Variants in NLRC4 observed in about 807,000 individuals in gnomAD.
NLRC4 encodes NLR family CARD domain-containing protein 4.
NLRC4 carries 63 observed loss-of-function variants against 79.9 expected under a neutral mutation model. That is an observed-to-expected ratio of 0.79 (90% CI 0.64 to 0.97). The LOEUF (loss-of-function observed/expected upper bound fraction) is 0.97. Ranked by LOEUF, NLRC4 falls within the 50% of genes least tolerant of loss-of-function variation. NLRC4 has a pLI of 0.00. For synonymous variants in NLRC4, 461 were observed against 456.5 expected (o/e 1.01, Z -0.12); for missense variants, 1,074 against 1,215.2 (o/e 0.88, Z 1.73).
chr2:32,241,687 G>A (rs1176729705), intron 4 of NLRC4, among the ~76,000 whole-genome samples: 1 of 151,822 alleles, frequency 6.6e-6, no homozygotes, highest in East Asian at 1.9e-4. Flanking sequence ...CGATAACAGG[G>A]AAATTTCTAA....
At chr2:32,230,351 G>C (rs1182911857) in intron 8 of NLRC4, among the ~76,000 whole-genome samples, 1 of 152,058 alleles carries the variant, frequency 6.6e-6, no homozygotes, top group Admixed American at 6.6e-5. Context: ...TTGTTTGTTT[G>C]TTTGTTTTGT....
intron 4 of NLRC4, among the ~76,000 whole-genome samples, chr2:32,244,660 C>T (rs2148938594): frequency 6.6e-6 from 1 of 152,192 alleles, no homozygotes; most frequent in African/African-American, 2.4e-5. Context: ...ACAACACCCC[C>T]TTCTGCAAAC....
intron 4 of NLRC4, among the ~76,000 whole-genome samples, chr2:32,247,931 T>C (rs2148940556): frequency 6.6e-6 from 1 of 152,188 alleles, no homozygotes; most frequent in Non-Finnish European, 1.5e-5. Context: ...TCAAATACCA[T>C]ATATACTCAC....
At chr2:32,248,149 T>C (rs1327119419) in intron 4 of NLRC4, among the ~76,000 whole-genome samples, 1 of 152,090 alleles carries the variant, frequency 6.6e-6, no homozygotes, top group Non-Finnish European at 1.5e-5. Context: ...TAAAAATAAA[T>C]AATAAATAAT....
chr2:32,261,238 T>A (rs1687337429), intron 1 of NLRC4, among the ~76,000 whole-genome samples: 1 of 147,574 alleles, frequency 6.8e-6, no homozygotes, highest in Admixed American at 6.9e-5. Flanking sequence ...ACAAAACCAC[T>A]CACTCAGGTT....
At chr2:32,260,432 C>G (rs951932803) in intron 1 of NLRC4, among the ~76,000 whole-genome samples, 1 of 152,066 alleles carries the variant, frequency 6.6e-6, no homozygotes, top group Non-Finnish European at 1.5e-5. Context: ...ATAAGGATCT[C>G]CTCAGCTTAA....
At chr2:32,227,509 C>T (rs1266327495) in intron 8 of NLRC4, among the ~76,000 whole-genome samples, 3 of 152,120 alleles carry the variant, frequency 2.0e-5, no homozygotes, top group Non-Finnish European at 2.9e-5. Context: ...TGCTGGTTGC[C>T]AGTTGTGTGT....
intron 4 of NLRC4, among the ~76,000 whole-genome samples, chr2:32,243,669 G>A (rs959571308): frequency 3.3e-5 from 5 of 150,538 alleles, no homozygotes; most frequent in African/African-American, 9.8e-5. Context: ...GCGTGGTGGC[G>A]CGCCTGTAGT....
At position 32,236,239 on chromosome 2, in the gene NLRC4, A is replaced by G; in HGVS notation, c.2614+8T>C. ...AGTATCTAATTTTGGCTGAATTGTC[A>G]TTCTTACTCAGTTCATGAAGAGCTT... On this transcript the variant is annotated splice_region_variant and intron_variant, in intron 7 of 8. Transcript: ENST00000402280. 1 of 1,560,034 alleles carries G rather than the reference A, an allele frequency of 6.4e-7. No individual in the cohort carries two copies. Among genetic ancestry groups the G allele is most frequent in the Non-Finnish European group, 8.8e-7 (1 of 1,140,538 alleles).
intron 5 of NLRC4, among the ~76,000 whole-genome samples, chr2:32,239,033 C>G (rs1469054423): frequency 6.6e-6 from 1 of 152,100 alleles, no homozygotes; most frequent in Non-Finnish European, 1.5e-5. Flanking sequence ...GTAATCCCAG[C>G]ACTATGGGAG....
At chr2:32,256,059 AAG>A (rs1385107013) in intron 2 of NLRC4, among the ~76,000 whole-genome samples, 1 of 152,060 alleles carries the variant, frequency 6.6e-6, no homozygotes, top group Non-Finnish European at 1.5e-5. Flanking sequence ...TATAAACAGT[AAG>A]ATATTATTTT....
At chr2:32,227,546 C>G (rs1686432719) in intron 8 of NLRC4, among the ~76,000 whole-genome samples, 1 of 152,140 alleles carries the variant, frequency 6.6e-6, no homozygotes, top group Non-Finnish European at 1.5e-5. Flanking sequence ...CCCCAAAGAT[C>G]AACTTTTTTT....
rs1396765254 is a variant in NLRC4, at chr2:32,235,381, C to T, written c.2782+20G>A. 1.9e-6 allele frequency: 3 copies of T among 1,595,344 alleles called. No individual in the cohort carries two copies. The highest frequency in any genetic ancestry group is 2.6e-6 in the Non-Finnish European group (3 of 1,163,814). ...TAAGGGCCAAATCCAGTTATCTTGG[C>T]TCTGTATGTGTGTACCTACCTAAAA... On this transcript the variant is annotated intron_variant, in intron 8 of 8. Transcript: ENST00000402280.
chr2:32,239,304 T>A (rs1277017315), intron 5 of NLRC4, among the ~76,000 whole-genome samples: 1 of 151,874 alleles, frequency 6.6e-6, no homozygotes, highest in Non-Finnish European at 1.5e-5. Context: ...AGAAAAGAAA[T>A]AAAATATATG....
At chr2:32,235,258 A>C in intron 8 of NLRC4, 143 bp downstream of exon 8, 2 of 636,844 alleles carry the variant, frequency 3.1e-6, no homozygotes, top group Non-Finnish European at 5.6e-6. Context: ...TCTTACTCTA[A>C]CGTGAATGAA....
In NLRC4 at chr2:32,235,449, G is replaced by C; in HGVS notation, c.2734C>G (p.Leu912Val). 1 of 1,614,098 alleles carries C rather than the reference G, an allele frequency of 6.2e-7. No homozygotes were observed. Among genetic ancestry groups the C allele is most frequent in the Non-Finnish European group, 8.5e-7 (1 of 1,179,946 alleles). Reference protein sequence around the residue: ...HLEEVPQLVKLGLKNWRLTDT... With the variant: ...HLEEVPQLVKVGLKNWRLTDT... ...GTGAGTCTCCAGTTTTTCAACCCAA[G>C]CTTGACGAGTTGTGGGACCTCCTCC... Residue 912 changes from leucine to valine, a missense_variant, in exon 8 of 9, where the codon CTT becomes GTT. Coordinates refer to ENST00000402280, the MANE Select transcript of NLRC4 (RefSeq NM_001199138.2).
chr2:32,238,095 A>G (rs375010986), intron 6 of NLRC4, 37 bp downstream of exon 6: 2 of 1,533,102 alleles, frequency 1.3e-6, no homozygotes, highest in African/African-American at 1.4e-5. Flanking sequence ...ATGTTCTGTT[A>G]TACTGTCCTC....
At chr2:32,233,071 C>G (rs558305745) in intron 8 of NLRC4, among the ~76,000 whole-genome samples, 8 of 143,478 alleles carry the variant, frequency 5.6e-5, no homozygotes, top group African/African-American at 1.8e-4. Flanking sequence ...GATCACATCC[C>G]TGCACTCCAG....
chr2:32,224,789 A>T, intron 8 of NLRC4, 24 bp from the exon 9 acceptor site: 2 of 1,351,246 alleles, frequency 1.5e-6, no homozygotes, highest in Non-Finnish European at 2.0e-6. Context: ...TAAGTATATT[A>T]GTTGGAAGAA....
Sources: gnomAD v4.1 joint callset for allele counts (sites outside exome capture counted in the v4.1 genomes callset) on GRCh38, gnomAD v4.1.1 for gene constraint, MANE v1.5 for transcripts, NCBI Gene and HGNC (gene_info 2026-07-23, HGNC 2026-07-21) for gene names.